MACROH2A2: variants seen among roughly 807,000 people sequenced by gnomAD.
MACROH2A2 encodes macroH2A.2 histone, also known as core histone macro-H2A.2.
Under a neutral mutation model 37.6 loss-of-function variants are expected in MACROH2A2, and 6 were observed. The observed-to-expected ratio is 0.16, with a 90% confidence interval of 0.09 to 0.32. The LOEUF (loss-of-function observed/expected upper bound fraction) is 0.32, where lower values mean the gene tolerates loss of function less well. Among genes scored for constraint, MACROH2A2 ranks in the 10% least tolerant of loss-of-function variants. The probability of loss-of-function intolerance (pLI) is 1.00; values close to 1 mark genes in which losing one functional copy is unlikely to be tolerated. For synonymous variants in MACROH2A2, 192 were observed against 202.7 expected (o/e 0.95, Z 0.45); for missense variants, 290 against 485.9 (o/e 0.60, Z 3.79).
intron 7 of MACROH2A2, 27 bp from the exon 8 acceptor site, chr10:70,109,006 C>T (rs1334287696): frequency 2.6e-5 from 42 of 1,606,670 alleles, no homozygotes; most frequent in Non-Finnish European, 3.3e-5. Flanking sequence ...GGAAATAACC[C>T]GCGGCATTTT....
At chr10:70,079,567 A>ACGCG (rs1290410006) in intron 2 of MACROH2A2, among the ~76,000 whole-genome samples, 3 of 98,474 alleles carry the variant, frequency 3.0e-5, no homozygotes, top group South Asian at 3.3e-4. Context: ...GCGCGCGCGC[A>ACGCG]CACACACACA....
chr10:70,083,516 T>C lies in MACROH2A2; in HGVS notation c.173-6544T>C, dbSNP rs191983937. 1.2e-3 allele frequency among the ~76,000 whole-genome samples: 190 copies of C among 152,016 alleles called. 2 individuals carry two copies. The highest frequency in any genetic ancestry group is 4.3e-3 in the African/African-American group (180 of 41,424). ...TCTGTGGTTTTTGAAGGCCCTCTCT[T>C]CCACACACTGCCTCTGGAAGGCAAC... On this transcript the variant is annotated intron_variant, in intron 2 of 8. Coordinates refer to ENST00000373255, the MANE Select transcript of MACROH2A2 (RefSeq NM_018649.3).
chr10:70,059,561 G>C (rs927602852), intron 1 of MACROH2A2, among the ~76,000 whole-genome samples: 7 of 152,050 alleles, frequency 4.6e-5, no homozygotes, highest in Non-Finnish European at 7.4e-5. Context: ...AGTAGAGACA[G>C]AGTTTCACCA....
At chr10:70,080,276 T>A (rs1377596242) in intron 2 of MACROH2A2, among the ~76,000 whole-genome samples, 7 of 141,496 alleles carry the variant, frequency 4.9e-5, no homozygotes, top group Non-Finnish European at 9.1e-5. Flanking sequence ...CAAAACTCCA[T>A]CTCAAAAAAA....
chr10:70,111,215 G>A (rs982375422), intron 8 of MACROH2A2, among the ~76,000 whole-genome samples: 1 of 152,162 alleles, frequency 6.6e-6, no homozygotes, highest in Non-Finnish European at 1.5e-5. Flanking sequence ...GTTGCAGTGA[G>A]CTGAGATCGC....
In MACROH2A2 at chr10:70,107,068, C is replaced by G. The variant is rs1447937105; in HGVS notation, c.779-1965C>G. ...AGAGGGACACTCTGCTTCTGGTGCA[C>G]AAATATACGTGGTCGTAGAGTCAGC... On this transcript the variant is annotated intron_variant, in intron 7 of 8. Transcript: ENST00000373255. The surrounding 1 kb of genome is among the most constrained non-coding windows in gnomAD (Gnocchi z 4.4). Among the ~76,000 whole-genome samples, 1 of 152,110 alleles carries G rather than the reference C, an allele frequency of 6.6e-6. No homozygotes were observed. Among genetic ancestry groups the G allele is most frequent in the African/African-American group, 2.4e-5 (1 of 41,426 alleles).
At chr10:70,095,792 G>T in intron 6 of MACROH2A2, 39 bp downstream of exon 6, 2 of 969,546 alleles carry the variant, frequency 2.1e-6, no homozygotes, top group Non-Finnish European at 3.4e-6. Flanking sequence ...CCATAGAATA[G>T]GCCACTGTTC....
chr10:70,081,303 AT>A (rs2072175293), intron 2 of MACROH2A2, among the ~76,000 whole-genome samples: 1 of 152,094 alleles, frequency 6.6e-6, no homozygotes, highest in Non-Finnish European at 1.5e-5. Context: ...TATTGCTCTT[AT>A]TGAGTGAAGA....
At chr10:70,103,744 G>A (rs911732561) in intron 7 of MACROH2A2, among the ~76,000 whole-genome samples, 1 of 151,664 alleles carries the variant, frequency 6.6e-6, no homozygotes, top group Non-Finnish European at 1.5e-5. Flanking sequence ...CATTTGTAAA[G>A]AAATGATGGC....
chr10:70,070,928 G>C (rs1285604352), intron 1 of MACROH2A2, among the ~76,000 whole-genome samples: 1 of 152,098 alleles, frequency 6.6e-6, no homozygotes, highest in East Asian at 1.9e-4. Flanking sequence ...GCTTTATCCT[G>C]CACACCTAGT....
At chr10:70,096,365 A>G (rs2072276172) in intron 6 of MACROH2A2, among the ~76,000 whole-genome samples, 1 of 152,218 alleles carries the variant, frequency 6.6e-6, no homozygotes, top group Non-Finnish European at 1.5e-5. Context: ...TTTGAGCTAT[A>G]GTGAATAGTG....
At chr10:70,067,459 G>A (rs949530345) in intron 1 of MACROH2A2, among the ~76,000 whole-genome samples, 12 of 152,254 alleles carry the variant, frequency 7.9e-5, no homozygotes, top group Admixed American at 5.9e-4. Flanking sequence ...AGAAGAAACT[G>A]TGATGCTAGC....
chr10:70,088,292 TGC>T (rs2072224135), intron 2 of MACROH2A2, among the ~76,000 whole-genome samples: 1 of 151,184 alleles, frequency 6.6e-6, no homozygotes, highest in Non-Finnish European at 1.5e-5. Flanking sequence ...CACGCACACA[TGC>T]ACACTTTCCC....
intron 3 of MACROH2A2, among the ~76,000 whole-genome samples, chr10:70,091,533 G>A (rs939960489): frequency 1.2e-4 from 18 of 152,040 alleles, no homozygotes; most frequent in Admixed American, 2.0e-4. Context: ...AAAATTAGCC[G>A]GGGTGGTGGC....
chr10:70,111,736 G>T lies in MACROH2A2; in HGVS notation c.*53G>T. On this transcript the variant is annotated 3_prime_UTR_variant, in exon 9 of 9. Coordinates refer to ENST00000373255, the MANE Select transcript of MACROH2A2 (RefSeq NM_018649.3). Reference sequence around the variant, plus strand: ...GGACGACCCGAGTCCCAAGAGTGGGGTTTTGCTTTTTAAAAGGAGAGAGGA... The same window carrying T: ...GGACGACCCGAGTCCCAAGAGTGGGTTTTTGCTTTTTAAAAGGAGAGAGGA... 1 of 1,475,940 alleles carries T rather than the reference G, an allele frequency of 6.8e-7. No homozygotes were observed. The highest frequency in any genetic ancestry group is 9.0e-7 in the Non-Finnish European group (1 of 1,105,334). The allele number at this position is 1,475,940 out of a possible 1,614,324, so 91.4% of individuals were successfully genotyped here. A position where few individuals can be genotyped will look rare whatever the true frequency, so the allele number is the denominator to read the frequency against.
At position 70,075,452 on chromosome 10, in the gene MACROH2A2, C is replaced by T. The variant is rs1011063788; in HGVS notation, c.-59-148C>T. Reference sequence around the variant, plus strand: ...CCTTCAGAGACCCCATGCCTGACTCCGTGCCTCCTGCACCTGCAGTAGCAG... The same window carrying T: ...CCTTCAGAGACCCCATGCCTGACTCTGTGCCTCCTGCACCTGCAGTAGCAG... On this transcript the variant is annotated intron_variant, in intron 1 of 8. Transcript: ENST00000373255. The surrounding 1 kb of genome is among the most constrained non-coding windows in gnomAD (Gnocchi z 5.0). The T allele has an allele frequency of 2.5e-5, 14 of 558,360 alleles. No homozygotes were observed. The highest frequency in any genetic ancestry group is 2.2e-4 in the Admixed American group (7 of 31,486). 34.6% of individuals were successfully genotyped at this position (558,360 alleles called of 1,614,324 possible).
At chr10:70,072,538 T>C (rs1320341496) in intron 1 of MACROH2A2, among the ~76,000 whole-genome samples, 1 of 152,234 alleles carries the variant, frequency 6.6e-6, no homozygotes, top group Non-Finnish European at 1.5e-5. Flanking sequence ...TCATTTGTTA[T>C]CAAGTATTAT....
At chr10:70,092,856 C>T (rs1161582721) in intron 4 of MACROH2A2, among the ~76,000 whole-genome samples, 4 of 152,108 alleles carry the variant, frequency 2.6e-5, no homozygotes, top group African/African-American at 4.8e-5. Context: ...CCCTGAGTTC[C>T]GCCAGTGGAA....
chr10:70,084,923 A>T (rs1332742707), intron 2 of MACROH2A2, among the ~76,000 whole-genome samples: 1 of 152,164 alleles, frequency 6.6e-6, no homozygotes, highest in Non-Finnish European at 1.5e-5. Flanking sequence ...GCACAAAGGT[A>T]CCTATTGGGT....
Sources: gnomAD v4.1 joint callset for allele counts (sites outside exome capture counted in the v4.1 genomes callset) on GRCh38, gnomAD v4.1.1 for gene constraint, Gnocchi (gnomAD v3.1) non-coding constraint, MANE v1.5 for transcripts, NCBI Gene and HGNC (gene_info 2026-07-23, HGNC 2026-07-21) for gene names.